The following ACP3 variants were observed in gnomAD, a reference collection of about 807,000 sequenced individuals.
The protein encoded by ACP3 is prostatic acid phosphatase.
A neutral mutation model predicts 45.6 loss-of-function variants in ACP3; 38 were observed. The observed-to-expected ratio is 0.83, with a 90% CI of 0.64 to 1.09. The LOEUF (loss-of-function observed/expected upper bound fraction) is 1.09. Among genes scored for constraint, ACP3 ranks in the 50% least tolerant of loss-of-function variants. The pLI, the probability that ACP3 is intolerant of heterozygous loss-of-function variation, is 0.00. For missense variants in ACP3, 466 were observed against 463.2 expected, an observed-to-expected ratio of 1.01 and a Z score of -0.05; for synonymous variants, 162 against 164.7, an observed-to-expected ratio of 0.98 and a Z score of 0.13.
Position 132,317,435 on chromosome 3 carries a change from G to A in ACP3, c.-22G>A. On this transcript the variant is annotated 5_prime_UTR_variant, in exon 1 of 10. Coordinates refer to ENST00000336375, the MANE Select transcript of ACP3 (RefSeq NM_001099.5). ...GTGGTAGCAGTTCCTCCTAACTCCT[G>A]CCAGAAACAGCTCTCCTCAACATGA... 1 of 1,606,262 alleles carries A rather than the reference G, an allele frequency of 6.2e-7. No homozygotes were observed. Among genetic ancestry groups the A allele is most frequent in the East Asian group, 2.2e-5 (1 of 44,706 alleles).
In ACP3 at chr3:132,328,145, G is replaced by T; in HGVS notation, c.121-122G>T. 4.6e-6 allele frequency: 3 copies of T among 645,206 alleles called. No individual in the cohort carries two copies. The East Asian group carries it at 9.1e-5, about 19-fold the overall frequency. The allele number at this position is 645,206 out of a possible 1,614,324, so 40.0% of individuals were successfully genotyped here. A position where few individuals can be genotyped will look rare whatever the true frequency, so the allele number is the denominator to read the frequency against. On this transcript the variant is annotated intron_variant, in intron 1 of 9. Coordinates refer to ENST00000336375, the MANE Select transcript of ACP3 (RefSeq NM_001099.5). ...CTCAGAATCTTTTAAAACTCCTTACGTGATTACAATGGGAAGCCAAAGTTA... is the reference window on the plus strand; with the variant it reads ...CTCAGAATCTTTTAAAACTCCTTACTTGATTACAATGGGAAGCCAAAGTTA...
intron 1 of ACP3, among the ~76,000 whole-genome samples, chr3:132,319,906 A>G (rs984691038): frequency 2.0e-5 from 3 of 152,206 alleles, no homozygotes; most frequent in African/African-American, 7.2e-5. Context: ...TCCGAGAAAA[A>G]TAAATCCTCC....
intron 9 of ACP3, among the ~76,000 whole-genome samples, chr3:132,355,904 A>G (rs1472821368): frequency 2.2e-5 from 3 of 135,956 alleles, no homozygotes; most frequent in African/African-American, 7.9e-5. Context: ...ATGACAACCA[A>G]AAGTAGCCAT....
At chr3:132,353,428 AACTGGGGAAGAATTGATTATC>A (rs1368325752) in intron 9 of ACP3, among the ~76,000 whole-genome samples, 1 of 152,224 alleles carries the variant, frequency 6.6e-6, no homozygotes, top group Non-Finnish European at 1.5e-5. Flanking sequence ...GTCCTGGAAA[AACTGGGGAAGAATTGATTATC>A]ACACCAAGGT....
At chr3:132,352,043 T>C (rs147055236) in intron 8 of ACP3, among the ~76,000 whole-genome samples, 1 of 152,346 alleles carries the variant, frequency 6.6e-6, no homozygotes, top group East Asian at 1.9e-4. Context: ...TAGAAAAATA[T>C]AATCTAGCAT....
At chr3:132,321,964 A>G (rs1290680046) in intron 1 of ACP3, among the ~76,000 whole-genome samples, 1 of 152,260 alleles carries the variant, frequency 6.6e-6, no homozygotes, top group East Asian at 1.9e-4. Context: ...ATGGCTTTAC[A>G]TATATTACAC....
At chr3:132,335,009 A>C (rs967429052) in intron 4 of ACP3, among the ~76,000 whole-genome samples, 1 of 152,138 alleles carries the variant, frequency 6.6e-6, no homozygotes, top group Non-Finnish European at 1.5e-5. Flanking sequence ...AATTCTGGAC[A>C]GATGTCTCGG....
chr3:132,344,144 G>T (rs1166723394), intron 6 of ACP3, among the ~76,000 whole-genome samples: 1 of 152,134 alleles, frequency 6.6e-6, no homozygotes, highest in Non-Finnish European at 1.5e-5. Flanking sequence ...CGGGTGTGGT[G>T]GCGCATGCCT....
intron 8 of ACP3, 67 bp from the exon 9 acceptor site, chr3:132,352,653 T>C (rs1937776795): frequency 9.4e-7 from 1 of 1,068,296 alleles, no homozygotes; most frequent in Non-Finnish European, 1.5e-6. Context: ...CATGGTGCTG[T>C]ACAAGTGCTT....
chr3:132,324,901 A>G (rs1937270009), intron 1 of ACP3, among the ~76,000 whole-genome samples: 1 of 152,174 alleles, frequency 6.6e-6, no homozygotes, highest in Non-Finnish European at 1.5e-5. Context: ...TCAGCCTCCC[A>G]AAGTGCTGGG....
At chr3:132,352,088 A>C (rs1187972434) in intron 8 of ACP3, among the ~76,000 whole-genome samples, 1 of 152,238 alleles carries the variant, frequency 6.6e-6, no homozygotes, top group Non-Finnish European at 1.5e-5. Context: ...AAGGCACAGC[A>C]CTTAAGGAGG....
chr3:132,328,465 G>A (rs1937341838), intron 2 of ACP3, 103 bp downstream of exon 2: 7 of 894,198 alleles, frequency 7.8e-6, no homozygotes, highest in Non-Finnish European at 1.2e-5. Context: ...GATCAACTGA[G>A]GTCAGGAGTT....
rs1937591967 is a variant in ACP3 at position 132,344,920 on chromosome 3, G to A, written c.649-7G>A. ...CATACATTTTTCTTCCTTTTTCTTT[G>A]CTACAGAGTGTTCACAATTTCACTT... On this transcript the variant is annotated splice_polypyrimidine_tract_variant and splice_region_variant and intron_variant, in intron 6 of 9. Transcript: ENST00000336375. The A allele has an allele frequency of 6.2e-7, 1 of 1,612,298 alleles. No homozygotes were observed. Among genetic ancestry groups the A allele is most frequent in the Non-Finnish European group, 8.5e-7 (1 of 1,179,582 alleles).
At chr3:132,339,237 G>GA (rs111317461) in intron 5 of ACP3, among the ~76,000 whole-genome samples, 5,527 of 115,530 alleles carry the variant, frequency 0.048, 284 homozygotes, top group African/African-American at 0.14. Flanking sequence ...TTTTGTGTGT[G>GA]AAAAAAAACA....
Position 132,352,722 on chromosome 3 carries a change from T to C in ACP3, c.867T>C (p.His289=). 2 of 1,608,766 alleles carry C rather than the reference T, an allele frequency of 1.2e-6. No homozygotes were observed. The highest frequency in any genetic ancestry group is 1.3e-5 in the African/African-American group (1 of 74,914). ...AAAATTGATTTCAATCTCTGTAGCA[T>C]GACACTACTGTGAGTGGCCTACAGA... ...SYKKLIMYSA[H]DTTVSGLQMA... Residue 289 remains histidine (H), a splice_region_variant and synonymous_variant, in exon 9 of 10, where the codon CAT becomes CAC. Transcript: ENST00000336375.
Position 132,328,318 on chromosome 3 carries a change from A to G in ACP3, c.172A>G (p.Ile58Val). 6.2e-7 allele frequency: 1 copy of G among 1,613,956 alleles called. No homozygotes were observed. The highest frequency in any genetic ancestry group is 8.5e-7 in the Non-Finnish European group (1 of 1,179,890). Residue 58 changes from isoleucine (I) to valine (V), a missense_variant, in exon 2 of 10, where the codon ATA (isoleucine) becomes GTA (valine). By Grantham distance (29) the Ile-to-Val change is conservative. Coordinates refer to ENST00000336375, the MANE Select transcript of ACP3 (RefSeq NM_001099.5). ...CATTGACACCTTTCCCACTGACCCC[A>G]TAAAGGAATCCTCATGGCCACAAGG... ...SPIDTFPTDP[I>V]KESSWPQGFG...
intron 5 of ACP3, among the ~76,000 whole-genome samples, chr3:132,340,296 C>T (rs1029375420): frequency 5.7e-4 from 66 of 116,602 alleles, no homozygotes; most frequent in African/African-American, 2.1e-3. Flanking sequence ...GCCTGGGCAA[C>T]AAGAACGAAA....
chr3:132,360,925 T>A (rs1395280748), downstream of ACP3, among the ~76,000 whole-genome samples: 1 of 152,182 alleles, frequency 6.6e-6, no homozygotes, highest in Non-Finnish European at 1.5e-5. Context: ...ACTGAATACA[T>A]GTCCAGCCCT....
In ACP3 at chr3:132,328,274, G is replaced by C. The variant is rs746133481; in HGVS notation, c.128G>C (p.Arg43Pro). Residue 43 changes from arginine to proline, a missense_variant, in exon 2 of 10, where the codon CGG becomes CCG. Coordinates refer to ENST00000336375, the MANE Select transcript of ACP3 (RefSeq NM_001099.5). Reference protein sequence around the residue: ...KELKFVTLVFRHGDRSPIDTF... With the variant: ...KELKFVTLVFPHGDRSPIDTF... ...TCTCACATCTACTTTCAGGTGTTTC[G>C]GCATGGAGACCGAAGTCCCATTGAC... 1 of 1,613,098 alleles carries C rather than the reference G, an allele frequency of 6.2e-7. No individual in the cohort carries two copies. Among genetic ancestry groups the C allele is most frequent in the South Asian group, 1.1e-5 (1 of 91,048 alleles).
Sources: gnomAD v4.1 joint callset for allele counts (sites outside exome capture counted in the v4.1 genomes callset) on GRCh38, gnomAD v4.1.1 for gene constraint, MANE v1.5 for transcripts, NCBI Gene and HGNC (gene_info 2026-07-23, HGNC 2026-07-21) for gene names.